Variants in KLHDC10 observed in about 807,000 individuals in gnomAD.
KLHDC10 encodes the protein kelch domain containing 10, also known as kelch domain-containing protein 10.
A neutral mutation model predicts 56.1 loss-of-function variants in KLHDC10; 24 were observed. The observed-to-expected ratio is 0.43, with a 90% confidence interval of 0.31 to 0.60. The LOEUF (loss-of-function observed/expected upper bound fraction) is 0.60, where lower values mean the gene tolerates loss of function less well. KLHDC10 is among the 20% of genes least tolerant of loss of function. The probability of loss-of-function intolerance (pLI) is 0.11; values close to 1 mark genes in which losing one functional copy is unlikely to be tolerated. For synonymous variants in KLHDC10, 188 were observed against 207.1 expected, an observed-to-expected ratio of 0.91 and a Z score of 0.79; for missense variants, 349 against 567.0, an observed-to-expected ratio of 0.62 and a Z score of 3.91.
intron 2 of KLHDC10, among the ~76,000 whole-genome samples, chr7:130,111,496 A>G (rs542045395): frequency 6.6e-6 from 1 of 152,212 alleles, no homozygotes; most frequent in South Asian, 2.1e-4. Context: ...TTGAGCTTAG[A>G]TTAGAAGTTC....
intron 8 of KLHDC10, among the ~76,000 whole-genome samples, chr7:130,128,885 A>AT (rs1554468180): frequency 2.9e-5 from 2 of 69,616 alleles, no homozygotes; most frequent in Non-Finnish European, 5.8e-5. Context: ...TAAAAAAAAA[A>AT]AAAAATATAT....
At chr7:130,091,550 C>T (rs1032782524) in intron 1 of KLHDC10, among the ~76,000 whole-genome samples, 1 of 152,208 alleles carries the variant, frequency 6.6e-6, no homozygotes, top group African/African-American at 2.4e-5. Flanking sequence ...AAATCTTTTA[C>T]ACAATACCTC....
At chr7:130,098,749 CATA>C (rs751961652) in intron 2 of KLHDC10, among the ~76,000 whole-genome samples, 112 of 151,956 alleles carry the variant, frequency 7.4e-4, no homozygotes, top group Middle Eastern at 3.4e-3. Context: ...TATAATTCAA[CATA>C]ATAATGATAT....
chr7:130,072,315 T>A (rs1325965096), intron 1 of KLHDC10, among the ~76,000 whole-genome samples: 1 of 152,332 alleles, frequency 6.6e-6, no homozygotes, highest in South Asian at 2.1e-4. Flanking sequence ...CTTGGTGCAC[T>A]TCCTCACTTC....
chr7:130,071,323 G>T (rs961506056), intron 1 of KLHDC10, among the ~76,000 whole-genome samples: 1 of 152,186 alleles, frequency 6.6e-6, no homozygotes, highest in Non-Finnish European at 1.5e-5. Flanking sequence ...ATGGGAAAGA[G>T]AACCTAGAGG....
chr7:130,074,193 G>A (rs1795464537), intron 1 of KLHDC10, among the ~76,000 whole-genome samples: 2 of 152,146 alleles, frequency 1.3e-5, no homozygotes, highest in African/African-American at 2.4e-5. Context: ...CAGGTCCATT[G>A]CACAAGCTTT....
At chr7:130,079,264 G>C (rs2116841772) in intron 1 of KLHDC10, among the ~76,000 whole-genome samples, 1 of 151,982 alleles carries the variant, frequency 6.6e-6, no homozygotes, top group South Asian at 2.1e-4. Context: ...CACCATGTTG[G>C]CCAGGCTGGT....
In KLHDC10 at chr7:130,108,861, C is replaced by T. The variant is rs906698353; in HGVS notation, c.254-7584C>T. On this transcript the variant is annotated intron_variant, in intron 2 of 9. Coordinates refer to ENST00000335420, the MANE Select transcript of KLHDC10 (RefSeq NM_014997.4). Reference sequence around the variant, plus strand: ...CCTTCCCCCCTTTATACACAATACGCACATACATATTTTTCTGTTTCAACC... The same window carrying T: ...CCTTCCCCCCTTTATACACAATACGTACATACATATTTTTCTGTTTCAACC... Among the ~76,000 whole-genome samples the T allele has an allele frequency of 5.3e-5, 8 of 152,226 alleles. No homozygotes were observed. In the East Asian group the frequency reaches 9.6e-4, roughly 18 times the overall value.
Position 130,130,464 on chromosome 7 carries a change from T to A in KLHDC10, c.1120-73T>A, listed in dbSNP as rs767621753. 17 of 1,207,950 alleles carry A rather than the reference T, an allele frequency of 1.4e-5. No homozygotes were observed. Among genetic ancestry groups the A allele is most frequent in the Admixed American group, 1.0e-4 (6 of 58,372 alleles). The allele number at this position is 1,207,950 out of a possible 1,614,324, so 74.8% of individuals were successfully genotyped here. A position where few individuals can be genotyped will look rare whatever the true frequency, so the allele number is the denominator to read the frequency against. On this transcript the variant is annotated intron_variant, in intron 9 of 9. Coordinates refer to ENST00000335420, the MANE Select transcript of KLHDC10 (RefSeq NM_014997.4). The surrounding 1 kb of genome is among the most constrained non-coding windows in gnomAD (Gnocchi z 4.2). ...TTCATTTTGATTCCATCTACTATGC[T>A]TTTTCCCCACTGAGTCTTCAGCCTT...
rs184551310 is a variant in KLHDC10 at position 130,095,356 on chromosome 7, A to G, written c.167-1565A>G. ...TCATTTCATAAAGTAAAGAATATTT[A>G]ACAACAAAAAGGTTCTAATCTCTGA... On this transcript the variant is annotated intron_variant, in intron 1 of 9. Coordinates refer to ENST00000335420, the MANE Select transcript of KLHDC10 (RefSeq NM_014997.4). Among the ~76,000 whole-genome samples the G allele has an allele frequency of 1.2e-4, 18 of 152,252 alleles. No individual in the cohort carries two copies. In the East Asian group the frequency reaches 2.3e-3, roughly 20 times the overall value.
chr7:130,127,317 A>C, intron 7 of KLHDC10, 87 bp from the exon 8 acceptor site: 1 of 1,038,872 alleles, frequency 9.6e-7, no homozygotes, highest in Non-Finnish European at 1.5e-6. Flanking sequence ...TTTGAGTTAC[A>C]CGTAGTGTGT....
intron 1 of KLHDC10, among the ~76,000 whole-genome samples, chr7:130,079,305 A>C (rs1795565236): frequency 6.6e-6 from 1 of 151,510 alleles, no homozygotes; most frequent in Non-Finnish European, 1.5e-5. Flanking sequence ...TGATTCGCCC[A>C]CCTCGGCCTC....
chr7:130,088,864 C>G (rs1795730628), intron 1 of KLHDC10, among the ~76,000 whole-genome samples: 1 of 151,920 alleles, frequency 6.6e-6, no homozygotes, highest in Non-Finnish European at 1.5e-5. Context: ...AACTCCTGAC[C>G]TCAAGTGATC....
chr7:130,125,834 G>A (rs1466431117), intron 6 of KLHDC10, 31 bp from the exon 7 acceptor site: 7 of 1,488,126 alleles, frequency 4.7e-6, no homozygotes, highest in African/African-American at 4.3e-5. Context: ...AATTATTTAT[G>A]TATGTGTATA....
Position 130,125,933 on chromosome 7 carries a change from T to C in KLHDC10, c.931+2T>C. On this transcript the variant is annotated splice_donor_variant, in intron 7 of 9. Transcript: ENST00000335420. LOFTEE classifies it high-confidence loss of function. Reference sequence around the variant, plus strand: ...CAACAAAACCCCATGAAAAAATAGGTAAATTTAAAGTATTGATTAATTTAT... The same window carrying C: ...CAACAAAACCCCATGAAAAAATAGGCAAATTTAAAGTATTGATTAATTTAT... 6.3e-7 allele frequency: 1 copy of C among 1,581,240 alleles called. No individual in the cohort carries two copies. The highest frequency in any genetic ancestry group is 8.6e-7 in the Non-Finnish European group (1 of 1,160,410).
At chr7:130,071,395 C>T (rs967969450) in intron 1 of KLHDC10, among the ~76,000 whole-genome samples, 1 of 152,062 alleles carries the variant, frequency 6.6e-6, no homozygotes, top group Non-Finnish European at 1.5e-5. Flanking sequence ...ATAATGGTGT[C>T]TAGGTTTTAA....
chr7:130,122,919 G>T (rs1796267158), intron 5 of KLHDC10, among the ~76,000 whole-genome samples: 1 of 152,116 alleles, frequency 6.6e-6, no homozygotes, highest in African/African-American at 2.4e-5. Flanking sequence ...TCAATACAGG[G>T]CACAGGGCCA....
intron 2 of KLHDC10, among the ~76,000 whole-genome samples, chr7:130,100,885 A>G (rs1795919919): frequency 6.6e-6 from 1 of 152,174 alleles, no homozygotes; most frequent in Admixed American, 6.5e-5. Context: ...AATGAAAACA[A>G]TGGTTTTTAT....
At chr7:130,077,562 T>C (rs866286502) in intron 1 of KLHDC10, among the ~76,000 whole-genome samples, 4,946 of 138,774 alleles carry the variant, frequency 0.036, 283 homozygotes, top group African/African-American at 0.12. Flanking sequence ...TTTCTTTTTT[T>C]TTTTTTTTTT....
Sources: allele counts gnomAD v4.1 joint callset (sites outside exome capture counted in the v4.1 genomes callset), GRCh38; gene constraint gnomAD v4.1.1; non-coding constraint Gnocchi (gnomAD v3.1); transcripts MANE v1.5; gene names NCBI Gene and HGNC (gene_info 2026-07-23, HGNC 2026-07-21).